The following SORCS3 variants were observed in gnomAD, a reference collection of about 807,000 sequenced individuals.
SORCS3 encodes the protein VPS10 domain-containing receptor SorCS3.
Under a neutral mutation model 146.3 loss-of-function variants are expected in SORCS3, and 57 were observed. That is an observed-to-expected ratio of 0.39 (90% confidence interval 0.31 to 0.49). The LOEUF is 0.49. SORCS3 is among the 20% of genes least tolerant of loss of function. The probability of loss-of-function intolerance (pLI) is 0.92; values close to 1 mark genes in which losing one functional copy is unlikely to be tolerated. For synonymous variants in SORCS3, 653 were observed against 618.5 expected, an observed-to-expected ratio of 1.06 and a Z score of -0.83; for missense variants, 1,341 against 1,575.5, an observed-to-expected ratio of 0.85 and a Z score of 2.52.
At chr10:104,691,747 T>C (rs2016114678) in intron 1 of SORCS3, among the ~76,000 whole-genome samples, 1 of 152,046 alleles carries the variant, frequency 6.6e-6, no homozygotes, top group Non-Finnish European at 1.5e-5. Flanking sequence ...TCCTTTTTTC[T>C]TTTTGTTTTT....
chr10:105,046,541 T>A (rs1029991183), intron 5 of SORCS3, among the ~76,000 whole-genome samples: 2 of 152,126 alleles, frequency 1.3e-5, no homozygotes, highest in African/African-American at 4.8e-5. Context: ...CAGTGATGAT[T>A]GTTGTAATGG....
At chr10:104,972,586 A>G (rs1282947714) in intron 3 of SORCS3, among the ~76,000 whole-genome samples, 3 of 152,052 alleles carry the variant, frequency 2.0e-5, no homozygotes, top group Non-Finnish European at 4.4e-5. Flanking sequence ...TATAGGAAAA[A>G]TGCTGTGATT....
intron 16 of SORCS3, among the ~76,000 whole-genome samples, chr10:105,207,822 TGA>T (rs2056611777): frequency 6.6e-6 from 1 of 152,208 alleles, no homozygotes; most frequent in South Asian, 2.1e-4. Flanking sequence ...GTAGCAGAGC[TGA>T]ACAGAACTGC....
chr10:105,070,272 C>G (rs762220749), intron 5 of SORCS3, among the ~76,000 whole-genome samples: 7 of 152,184 alleles, frequency 4.6e-5, no homozygotes, highest in Non-Finnish European at 8.8e-5. Flanking sequence ...GTTGAGGAAA[C>G]TAAGGTTGAG....
At chr10:104,809,126 T>G (rs527928228) in intron 1 of SORCS3, among the ~76,000 whole-genome samples, 1 of 152,260 alleles carries the variant, frequency 6.6e-6, no homozygotes, top group South Asian at 2.1e-4. Flanking sequence ...ATGTCTTGAG[T>G]TTTAGATACC....
chr10:105,098,986 C>G (rs2133748459), intron 6 of SORCS3, among the ~76,000 whole-genome samples: 1 of 152,276 alleles, frequency 6.6e-6, no homozygotes, highest in African/African-American at 2.4e-5. Flanking sequence ...TTCACCAAAG[C>G]TCAAAATCCA....
intron 2 of SORCS3, among the ~76,000 whole-genome samples, chr10:104,856,300 TATC>T (rs1346865927): frequency 6.6e-6 from 1 of 151,348 alleles, no homozygotes; most frequent in East Asian, 1.9e-4. Flanking sequence ...CATATATATA[TATC>T]ATCAATTAGA....
At chr10:104,757,913 G>C (rs1221925198) in intron 1 of SORCS3, among the ~76,000 whole-genome samples, 1 of 140,538 alleles carries the variant, frequency 7.1e-6, no homozygotes, top group East Asian at 2.4e-4. Context: ...AAAGTACAAA[G>C]GGAAAGTTAA....
chr10:104,659,993 G>A (rs2015680260), intron 1 of SORCS3, among the ~76,000 whole-genome samples: 3 of 152,156 alleles, frequency 2.0e-5, no homozygotes, highest in Admixed American at 2.0e-4. Flanking sequence ...CACAGTGGGG[G>A]ACACTCCTGC....
chr10:104,842,916 C>T, intron 2 of SORCS3, 57 bp downstream of exon 2: 5 of 1,355,416 alleles, frequency 3.7e-6, no homozygotes, highest in Non-Finnish European at 5.3e-6. Flanking sequence ...ATGAGAAACG[C>T]AAGCTAAGCA....
intron 16 of SORCS3, among the ~76,000 whole-genome samples, chr10:105,210,342 T>A (rs1424918802): frequency 6.6e-6 from 1 of 152,348 alleles, no homozygotes. Context: ...CTTAGAAACA[T>A]GAATTCAGCC....
At chr10:105,113,449 C>G (rs1258225931) in intron 7 of SORCS3, among the ~76,000 whole-genome samples, 1 of 152,158 alleles carries the variant, frequency 6.6e-6, no homozygotes, top group Non-Finnish European at 1.5e-5. Flanking sequence ...AACCTCTTCC[C>G]ATGACATTAA....
intron 3 of SORCS3, among the ~76,000 whole-genome samples, chr10:104,928,163 G>A (rs2019169077): frequency 6.6e-6 from 1 of 152,158 alleles, no homozygotes; most frequent in Non-Finnish European, 1.5e-5. Context: ...AAAAGCCCAG[G>A]GATGGAGTTA....
intron 4 of SORCS3, among the ~76,000 whole-genome samples, chr10:104,982,089 ACCT>A (rs1375820991): frequency 1.3e-5 from 2 of 152,136 alleles, no homozygotes; most frequent in Non-Finnish European, 2.9e-5. Context: ...TTTGTTGATC[ACCT>A]CCTATCCGAC....
intron 1 of SORCS3, among the ~76,000 whole-genome samples, chr10:104,728,054 T>C (rs530269093): frequency 2.0e-5 from 3 of 150,720 alleles, no homozygotes; most frequent in African/African-American, 5.0e-5. Flanking sequence ...TATCTATCTA[T>C]CTATCTATCT....
At chr10:104,789,666 A>G (rs1589499856) in intron 1 of SORCS3, among the ~76,000 whole-genome samples, 1 of 152,220 alleles carries the variant, frequency 6.6e-6, no homozygotes, top group African/African-American at 2.4e-5. Flanking sequence ...TCAAAAATAA[A>G]TGAATGGATG....
At chr10:105,239,723 A>G (rs2056812337) in intron 20 of SORCS3, among the ~76,000 whole-genome samples, 1 of 152,208 alleles carries the variant, frequency 6.6e-6, no homozygotes, top group South Asian at 2.1e-4. Flanking sequence ...CTGAAAGGCC[A>G]ATTTGCTGGG....
At chr10:104,767,239 G>A (rs2017191358) in intron 1 of SORCS3, among the ~76,000 whole-genome samples, 1 of 152,176 alleles carries the variant, frequency 6.6e-6, no homozygotes, top group Non-Finnish European at 1.5e-5. Context: ...TAGAGAAAAT[G>A]ATCAGTAAAT....
intron 2 of SORCS3, among the ~76,000 whole-genome samples, chr10:104,915,214 C>G (rs573793104): frequency 6.6e-6 from 1 of 152,272 alleles, no homozygotes; most frequent in Non-Finnish European, 1.5e-5. Flanking sequence ...CCTCTGTAAG[C>G]AGCCCAGTGC....
Sources: allele counts gnomAD v4.1 joint callset (sites outside exome capture counted in the v4.1 genomes callset), GRCh38; gene constraint gnomAD v4.1.1; transcripts MANE v1.5; gene names NCBI Gene and HGNC (gene_info 2026-07-23, HGNC 2026-07-21).